MME: variants seen among roughly 807,000 people sequenced by gnomAD.
The protein encoded by MME is neprilysin.
Under a neutral mutation model 113.2 loss-of-function variants are expected in MME, and 98 were observed. The observed-to-expected ratio is 0.87, with a 90% CI of 0.74 to 1.02. The LOEUF is 1.02. Ranked by LOEUF, MME falls within the 50% of genes least tolerant of loss-of-function variation. The probability of loss-of-function intolerance (pLI) is 0.00; values close to 1 mark genes in which losing one functional copy is unlikely to be tolerated. For synonymous variants in MME, 292 were observed against 300.6 expected (o/e 0.97, Z 0.30); for missense variants, 836 against 896.0 (o/e 0.93, Z 0.86).
intron 8 of MME, among the ~76,000 whole-genome samples, chr3:155,131,143 G>A (rs1247391550): frequency 6.6e-6 from 1 of 152,176 alleles, no homozygotes; most frequent in African/African-American, 2.4e-5. Context: ...TGTAGAATGT[G>A]TTTTAATGGA....
At chr3:155,050,623 T>C (rs1037452165) in intron 1 of MME, among the ~76,000 whole-genome samples, 3 of 152,238 alleles carry the variant, frequency 2.0e-5, no homozygotes, top group South Asian at 2.1e-4. Flanking sequence ...GTTGCATGTA[T>C]GTTTTCTTTT....
intron 3 of MME, among the ~76,000 whole-genome samples, chr3:155,096,247 A>C (rs1182651857): frequency 1.3e-5 from 2 of 152,210 alleles, no homozygotes; most frequent in African/African-American, 2.4e-5. Flanking sequence ...AGGGATTTTA[A>C]ATAGGGATGT....
chr3:155,087,693 C>G (rs1371146292), intron 3 of MME, among the ~76,000 whole-genome samples: 3 of 152,122 alleles, frequency 2.0e-5, no homozygotes. Context: ...TCTCTCTTCT[C>G]TCACTATTTT....
intron 16 of MME, among the ~76,000 whole-genome samples, chr3:155,156,223 C>T (rs1418050293): frequency 6.6e-6 from 1 of 152,144 alleles, no homozygotes; most frequent in Non-Finnish European, 1.5e-5. Flanking sequence ...GCCTCCTAAC[C>T]TCTGAACCTA....
intron 8 of MME, among the ~76,000 whole-genome samples, chr3:155,136,993 T>G (rs1351233160): frequency 6.6e-6 from 1 of 152,184 alleles, no homozygotes; most frequent in African/African-American, 2.4e-5. Flanking sequence ...TAAATAGCAA[T>G]TGGTTCAAAC....
chr3:155,130,457 G>T (rs1720051937), intron 8 of MME, among the ~76,000 whole-genome samples: 1 of 152,174 alleles, frequency 6.6e-6, no homozygotes, highest in African/African-American at 2.4e-5. Context: ...GCAGGGCATG[G>T]CTAGGGAGAA....
In MME at chr3:155,180,478, C is replaced by A. The variant is rs748171986; in HGVS notation, c.*19C>A. 12 of 1,585,632 alleles carry A rather than the reference C, an allele frequency of 7.6e-6. No individual in the cohort carries two copies. The highest frequency in any genetic ancestry group is 1.0e-5 in the Non-Finnish European group (12 of 1,154,438). On this transcript the variant is annotated 3_prime_UTR_variant, in exon 23 of 23. Transcript: ENST00000360490. The stretch of plus-strand genomic sequence containing the variant: ...TTGGTGATCTTCAAAAGAAGCATTG[C>A]AGCCCTTGGCTAGACTTGCCAACAC...
intron 1 of MME, among the ~76,000 whole-genome samples, chr3:155,062,988 T>A (rs1229659329): frequency 7.5e-6 from 1 of 133,854 alleles, no homozygotes; most frequent in South Asian, 2.2e-4. Context: ...TGAGCCGAGA[T>A]AGTGCCACTG....
chr3:155,107,506 G>T (rs868146252), intron 3 of MME, among the ~76,000 whole-genome samples: 1 of 152,114 alleles, frequency 6.6e-6, no homozygotes, highest in Non-Finnish European at 1.5e-5. Flanking sequence ...AGTAGTAATT[G>T]AGAAAGAAAT....
chr3:155,080,796 A>G (rs1457964654), intron 1 of MME, among the ~76,000 whole-genome samples: 2 of 152,214 alleles, frequency 1.3e-5, no homozygotes, highest in East Asian at 1.9e-4. Context: ...TGGCAATTTT[A>G]TTAAACTGAA....
chr3:155,181,673 A>T lies in MME; in HGVS notation c.*1214A>T, dbSNP rs1183665091. On this transcript the variant is annotated 3_prime_UTR_variant, in exon 23 of 23. Transcript: ENST00000360490. Reference sequence around the variant, plus strand: ...GGAGGCCTCTGATGGACCTTCTAGAATTATAAGTCACAAAGAGTTCTGGAA... The same window carrying T: ...GGAGGCCTCTGATGGACCTTCTAGATTTATAAGTCACAAAGAGTTCTGGAA... The T allele has an allele frequency of 1.3e-5, 2 of 152,190 alleles. No individual in the cohort carries two copies. Among genetic ancestry groups the T allele is most frequent in the Admixed American group, 6.6e-5 (1 of 15,264 alleles). 9.4% of individuals were successfully genotyped at this position (152,190 alleles called of 1,614,324 possible). A position where few individuals can be genotyped will look rare whatever the true frequency, so the allele number is the denominator to read the frequency against.
chr3:155,145,646 T>C (rs1721445986), intron 14 of MME, among the ~76,000 whole-genome samples: 1 of 152,184 alleles, frequency 6.6e-6, no homozygotes, highest in Admixed American at 6.6e-5. Flanking sequence ...TAATAACTTA[T>C]GATTCTAACC....
At chr3:155,069,905 A>G (rs540100689) in intron 1 of MME, among the ~76,000 whole-genome samples, 1 of 152,278 alleles carries the variant, frequency 6.6e-6, no homozygotes, top group African/African-American at 2.4e-5. Flanking sequence ...GACCTTATTG[A>G]GAACTGCCTC....
intron 16 of MME, among the ~76,000 whole-genome samples, chr3:155,154,215 G>T (rs1722152707): frequency 6.6e-6 from 1 of 152,074 alleles, no homozygotes; most frequent in Non-Finnish European, 1.5e-5. Flanking sequence ...GGTGCAATTG[G>T]ATGGTGGCAC....
rs866208973 is a variant in MME at position 155,110,202 on chromosome 3, G to A, written c.197-4792G>A. On this transcript the variant is annotated intron_variant, in intron 3 of 22. Transcript: ENST00000360490. ...GGCCCTGCAAGGTGCTGCTTCTCACGTGCTCCCCACCAGCCTTCTGCATTC... is the reference window on the plus strand; with the variant it reads ...GGCCCTGCAAGGTGCTGCTTCTCACATGCTCCCCACCAGCCTTCTGCATTC... Among the ~76,000 whole-genome samples the A allele has an allele frequency of 7.9e-5, 12 of 152,346 alleles. No individual in the cohort carries two copies. In the East Asian group the frequency reaches 1.5e-3, roughly 20 times the overall value.
At chr3:155,157,006 C>A (rs1722366164) in intron 16 of MME, among the ~76,000 whole-genome samples, 1 of 152,156 alleles carries the variant, frequency 6.6e-6, no homozygotes, top group South Asian at 2.1e-4. Context: ...TGCACACTTT[C>A]ATCAGCACTA....
intron 1 of MME, among the ~76,000 whole-genome samples, chr3:155,041,489 TA>T (rs200358705): frequency 3.3e-4 from 50 of 152,276 alleles, no homozygotes; most frequent in African/African-American, 1.1e-3. Flanking sequence ...TTTACATCTT[TA>T]AAAAATCTAT....
At chr3:155,055,611 C>T (rs934181169) in intron 1 of MME, among the ~76,000 whole-genome samples, 2 of 151,048 alleles carry the variant, frequency 1.3e-5, no homozygotes, top group African/African-American at 4.9e-5. Flanking sequence ...AAAAAAAAAA[C>T]TTTTATATAA....
chr3:155,081,094 C>T (rs962558456), intron 1 of MME: 2 of 152,220 alleles, frequency 1.3e-5, no homozygotes, highest in African/African-American at 4.8e-5. Flanking sequence ...CCTCTGTCCT[C>T]AGCTTCTGCA....
Sources: gnomAD v4.1 joint callset for allele counts (sites outside exome capture counted in the v4.1 genomes callset) on GRCh38, gnomAD v4.1.1 for gene constraint, MANE v1.5 for transcripts, NCBI Gene and HGNC (gene_info 2026-07-23, HGNC 2026-07-21) for gene names.